The following ERBB4 variants were observed in gnomAD, a reference collection of about 807,000 sequenced individuals.
ERBB4 encodes receptor tyrosine-protein kinase erbB-4.
In ERBB4, 42 loss-of-function variants were observed where a neutral mutation model predicts 158.0. The ratio of observed to expected loss-of-function variants is 0.27; its 90% CI spans 0.21 to 0.34. The LOEUF is 0.34. Among genes scored for constraint, ERBB4 ranks in the 10% least tolerant of loss-of-function variants. ERBB4 has a pLI of 1.00. For missense variants in ERBB4, 1,333 were observed against 1,624.1 expected, an observed-to-expected ratio of 0.82 and a Z score of 3.08; for synonymous variants, 583 against 558.7, an observed-to-expected ratio of 1.04 and a Z score of -0.61.
At chr2:211,993,295 G>T (rs374873770) in intron 2 of ERBB4, among the ~76,000 whole-genome samples, 1 of 152,136 alleles carries the variant, frequency 6.6e-6, no homozygotes, top group Non-Finnish European at 1.5e-5. Context: ...TGCTCACAGC[G>T]GAAAAGCCAT....
chr2:212,419,319 AT>A (rs1238319617), intron 1 of ERBB4, among the ~76,000 whole-genome samples: 4 of 151,958 alleles, frequency 2.6e-5, no homozygotes, highest in Non-Finnish European at 5.9e-5. Flanking sequence ...AGTTGCCTGC[AT>A]TTGAAAGTAG....
intron 12 of ERBB4, among the ~76,000 whole-genome samples, chr2:211,699,378 G>C (rs1170547191): frequency 3.3e-5 from 5 of 152,116 alleles, no homozygotes; most frequent in Non-Finnish European, 7.4e-5. Context: ...CATTTACAGT[G>C]CATTTAAAAT....
At chr2:212,429,051 C>T (rs1461526784) in intron 1 of ERBB4, 5 of 152,142 alleles carry the variant, frequency 3.3e-5, no homozygotes, top group Non-Finnish European at 5.9e-5. Context: ...AAAGGAATTA[C>T]TAGGGACAGT....
intron 1 of ERBB4, among the ~76,000 whole-genome samples, chr2:212,257,628 C>G (rs2084789156): frequency 1.3e-5 from 2 of 151,986 alleles, no homozygotes; most frequent in South Asian, 4.2e-4. Flanking sequence ...CTTTAACCAC[C>G]CTGCTCAATG....
intron 1 of ERBB4, among the ~76,000 whole-genome samples, chr2:212,293,616 G>T (rs2086287728): frequency 6.6e-6 from 1 of 152,022 alleles, no homozygotes; most frequent in African/African-American, 2.4e-5. Context: ...GGGAGGTTGA[G>T]GCAGGTAGAT....
rs779521696 is a variant in ERBB4 at position 211,424,319 on chromosome 2, T to A, written c.2720-18A>T. On this transcript the variant is annotated intron_variant, in intron 22 of 27. Coordinates refer to ENST00000342788, the MANE Select transcript of ERBB4 (RefSeq NM_005235.3). ...AGTAACTCCTATATTGGAGAAAAAA[T>A]TCTTACTTAAGCATATTAACAACAT... is the stretch of plus-strand genomic sequence containing the variant. 19 of 1,602,276 alleles carry A rather than the reference T, an allele frequency of 1.2e-5. No individual in the cohort carries two copies. The highest frequency in any genetic ancestry group is 1.5e-5 in the Non-Finnish European group (18 of 1,170,240).
chr2:212,287,194 A>G (rs1403754655), intron 1 of ERBB4, among the ~76,000 whole-genome samples: 1 of 152,040 alleles, frequency 6.6e-6, no homozygotes, highest in Non-Finnish European at 1.5e-5. Flanking sequence ...CACCCTTGCA[A>G]TGAATTTTCA....
chr2:211,500,522 A>T (rs1361877056), intron 20 of ERBB4, among the ~76,000 whole-genome samples: 2 of 152,126 alleles, frequency 1.3e-5, no homozygotes, highest in African/African-American at 2.4e-5. Flanking sequence ...TGTAATGTAA[A>T]GTCAATTTCC....
chr2:211,789,580 T>A (rs895605344), intron 3 of ERBB4, among the ~76,000 whole-genome samples: 1 of 152,152 alleles, frequency 6.6e-6, no homozygotes, highest in African/African-American at 2.4e-5. Flanking sequence ...CCCATGGTTA[T>A]CTCTACCGCA....
At chr2:211,471,994 A>G (rs1033057035) in intron 20 of ERBB4, among the ~76,000 whole-genome samples, 2 of 152,130 alleles carry the variant, frequency 1.3e-5, no homozygotes, top group Non-Finnish European at 2.9e-5. Flanking sequence ...GGGGGAAAAA[A>G]GATAATTCTG....
intron 1 of ERBB4, among the ~76,000 whole-genome samples, chr2:212,507,898 G>A (rs753630818): frequency 7.9e-5 from 12 of 152,158 alleles, no homozygotes; most frequent in African/African-American, 1.4e-4. Context: ...TATATTGTGC[G>A]TAAAATGCTA....
intron 12 of ERBB4, among the ~76,000 whole-genome samples, chr2:211,688,589 C>T (rs1459112136): frequency 1.3e-5 from 2 of 152,124 alleles, no homozygotes; most frequent in Non-Finnish European, 2.9e-5. Context: ...AATTCGATCC[C>T]TCCCTTTTGT....
intron 2 of ERBB4, among the ~76,000 whole-genome samples, chr2:212,109,079 A>G (rs2079320158): frequency 6.6e-6 from 1 of 152,102 alleles, no homozygotes; most frequent in African/African-American, 2.4e-5. Context: ...GTCATGGATC[A>G]TTGTGGGAAT....
chr2:212,316,591 G>C lies in ERBB4; in HGVS notation c.83-191688C>G, dbSNP rs1457081390. Among the ~76,000 whole-genome samples the C allele has an allele frequency of 5.9e-5, 9 of 151,596 alleles. No homozygotes were observed. The South Asian group carries it at 1.5e-3, about 24-fold the overall frequency. ...TAAAGGTCCAAATCATTCTTTCACA[G>C]TATTGCACCCAGATAGTCCCTGGCA... On this transcript the variant is annotated intron_variant, in intron 1 of 27. Coordinates refer to ENST00000342788, the MANE Select transcript of ERBB4 (RefSeq NM_005235.3).
At chr2:211,474,067 C>CA (rs1279374186) in intron 20 of ERBB4, among the ~76,000 whole-genome samples, 6 of 151,756 alleles carry the variant, frequency 4.0e-5, no homozygotes, top group Non-Finnish European at 8.8e-5. Flanking sequence ...TGGCCAAAAA[C>CA]AAAAAAATCT....
chr2:211,765,553 G>A (rs993002499), intron 4 of ERBB4, among the ~76,000 whole-genome samples: 1 of 152,082 alleles, frequency 6.6e-6, no homozygotes, highest in Non-Finnish European at 1.5e-5. Flanking sequence ...TATTTCATGA[G>A]AATGTTGCAA....
chr2:212,095,219 A>G (rs2078894361), intron 2 of ERBB4, among the ~76,000 whole-genome samples: 1 of 152,212 alleles, frequency 6.6e-6, no homozygotes, highest in Non-Finnish European at 1.5e-5. Context: ...TTGGCTTTGT[A>G]TTACTCAATG....
intron 1 of ERBB4, among the ~76,000 whole-genome samples, chr2:212,351,837 C>A (rs1033584892): frequency 6.6e-6 from 1 of 152,020 alleles, no homozygotes; most frequent in African/African-American, 2.4e-5. Flanking sequence ...TTGCAAATGA[C>A]CCTCACATAA....
chr2:212,216,418 C>G (rs1184498302), intron 1 of ERBB4, among the ~76,000 whole-genome samples: 1 of 151,148 alleles, frequency 6.6e-6, no homozygotes, highest in East Asian at 1.9e-4. Context: ...TGATAATTTT[C>G]TTTAGAATGA....
Sources: gnomAD v4.1 joint callset for allele counts (sites outside exome capture counted in the v4.1 genomes callset) on GRCh38, gnomAD v4.1.1 for gene constraint, MANE v1.5 for transcripts, NCBI Gene and HGNC (gene_info 2026-07-23, HGNC 2026-07-21) for gene names.